RGS3: variants seen among roughly 807,000 people sequenced by gnomAD.
The protein encoded by RGS3 is regulator of G protein signaling 3, also known as regulator of G-protein signalling 3.
RGS3 carries 80 observed loss-of-function variants against 132.6 expected under a neutral mutation model. The ratio of observed to expected loss-of-function variants is 0.60; its 90% CI spans 0.50 to 0.73. The LOEUF (loss-of-function observed/expected upper bound fraction) is 0.73, where lower values mean the gene tolerates loss of function less well. Among genes scored for constraint, RGS3 ranks in the 30% least tolerant of loss-of-function variants. The pLI is 0.00. For synonymous variants in RGS3, 598 were observed against 620.6 expected (o/e 0.96, Z 0.54); for missense variants, 1,382 against 1,530.8 (o/e 0.90, Z 1.62).
At chr9:113,559,349 G>C (rs1356940285) in intron 19 of RGS3, among the ~76,000 whole-genome samples, 4 of 152,224 alleles carry the variant, frequency 2.6e-5, no homozygotes, top group Non-Finnish European at 5.9e-5. Flanking sequence ...GACAGTCATG[G>C]CTCCCAGCCA....
chr9:113,514,984 C>T (rs1240364369), intron 15 of RGS3, among the ~76,000 whole-genome samples: 1 of 152,118 alleles, frequency 6.6e-6, no homozygotes, highest in African/African-American at 2.4e-5. Context: ...CCAAAGCTCC[C>T]GCTCCCTGGC....
chr9:113,483,722 C>G (rs1010664285), intron 5 of RGS3, among the ~76,000 whole-genome samples: 6 of 152,194 alleles, frequency 3.9e-5, no homozygotes, highest in African/African-American at 1.4e-4. Context: ...TAGAACAGCC[C>G]TGGGTTGAGA....
chr9:113,561,418 G>A (rs1274754028), intron 19 of RGS3, among the ~76,000 whole-genome samples: 1 of 141,344 alleles, frequency 7.1e-6, no homozygotes. Flanking sequence ...CTCTCTCTCT[G>A]TCTCTCTCTT....
intron 14 of RGS3, 101 bp downstream of exon 12, chr9:113,508,681 A>G (rs1333321229): frequency 1.7e-6 from 2 of 1,204,040 alleles, no homozygotes; most frequent in South Asian, 1.2e-5. Flanking sequence ...AGGCCTTTCC[A>G]ATGGAGTCAG....
In RGS3 at chr9:113,536,665, G is replaced by A. The variant is rs1025967782; in HGVS notation, c.1915-131G>A. 5.7e-5 allele frequency: 85 copies of A among 1,499,520 alleles called. 1 individual carries two copies. Among genetic ancestry groups the A allele is most frequent in the East Asian group, 1.6e-4 (7 of 42,924 alleles). 92.9% of individuals were successfully genotyped at this position (1,499,520 alleles called of 1,614,324 possible). ...TCACTGGGGATTAGTGTGCATTTGC[G>A]GCTTTTGGCGGACACTCCCCTCCTG... On this transcript the variant is annotated intron_variant, in intron 18 of 24. Transcript: ENST00000350696.
chr9:113,527,652 C>A (rs1832273583), intron 17 of RGS3, among the ~76,000 whole-genome samples: 2 of 152,096 alleles, frequency 1.3e-5, no homozygotes, highest in African/African-American at 4.8e-5. Context: ...AGCCCTTGGC[C>A]CTAGGGATAG....
chr9:113,571,984 G>A (rs1425719643), intron 19 of RGS3, among the ~76,000 whole-genome samples: 2 of 152,166 alleles, frequency 1.3e-5, no homozygotes, highest in Admixed American at 6.5e-5. Flanking sequence ...GTCAGAAATT[G>A]AGGGGCAATA....
At chr9:113,549,157 G>A (rs1005741067) in intron 19 of RGS3, among the ~76,000 whole-genome samples, 1 of 152,206 alleles carries the variant, frequency 6.6e-6, no homozygotes, top group Non-Finnish European at 1.5e-5. Flanking sequence ...GCAGCCTCCT[G>A]CAGGTTTAGA....
intron 19 of RGS3, among the ~76,000 whole-genome samples, chr9:113,580,479 A>T (rs933473160): frequency 6.6e-6 from 1 of 152,242 alleles, no homozygotes; most frequent in Non-Finnish European, 1.5e-5. Flanking sequence ...TAGTCCTGTG[A>T]GTCCAGTATG....
At chr9:113,548,416 A>G (rs1372214148) in intron 19 of RGS3, among the ~76,000 whole-genome samples, 1 of 152,186 alleles carries the variant, frequency 6.6e-6, no homozygotes, top group Non-Finnish European at 1.5e-5. Context: ...AATTCCTGGC[A>G]TGTGCTTGTT....
In RGS3 at chr9:113,554,079, T is replaced by A. The variant is rs564207668; in HGVS notation, c.2037+17161T>A. Among the ~76,000 whole-genome samples the A allele has an allele frequency of 4.6e-5, 7 of 152,300 alleles. No homozygotes were observed. In the East Asian group the frequency reaches 9.7e-4, roughly 21 times the overall value. On this transcript the variant is annotated intron_variant, in intron 19 of 24. Transcript: ENST00000350696. ...TTTCCTTCTGTTTACACATGTCATC[T>A]CCCCAACACTATTGTTCTTATCCTA...
At chr9:113,545,383 T>C (rs1458893482) in intron 19 of RGS3, among the ~76,000 whole-genome samples, 1 of 152,194 alleles carries the variant, frequency 6.6e-6, no homozygotes, top group Non-Finnish European at 1.5e-5. Flanking sequence ...ATCTCAGCCC[T>C]GAATAAAGGG....
At chr9:113,492,988 C>T (rs1271061508) in intron 7 of RGS3, among the ~76,000 whole-genome samples, 1 of 152,198 alleles carries the variant, frequency 6.6e-6, no homozygotes, top group Non-Finnish European at 1.5e-5. Flanking sequence ...TGAGCTAATG[C>T]ATTGGCCTGG....
At position 113,565,384 on chromosome 9, in the gene RGS3, G is replaced by T; in HGVS notation, c.2038-18066G>T. On this transcript the variant is annotated intron_variant, in intron 19 of 24. Transcript: ENST00000350696. The surrounding 1 kb of genome is among the most constrained non-coding windows in gnomAD (Gnocchi z 5.7). Reference sequence around the variant, plus strand: ...GGGTGTGTGTTTGGGAAAGGCGCTGGAGGAGGAGGAAGAGGAGGAGGACAA... The same window carrying T: ...GGGTGTGTGTTTGGGAAAGGCGCTGTAGGAGGAGGAAGAGGAGGAGGACAA... 7.8e-7 allele frequency: 1 copy of T among 1,289,120 alleles called. No individual in the cohort carries two copies. Among genetic ancestry groups the T allele is most frequent in the Non-Finnish European group, 1.0e-6 (1 of 988,130 alleles). The allele number at this position is 1,289,120 out of a possible 1,614,324, so 79.9% of individuals were successfully genotyped here.
intron 10 of RGS3, chr9:113,501,457 T>A (rs1830887185): frequency 6.7e-7 from 1 of 1,495,286 alleles, no homozygotes; most frequent in African/African-American, 1.4e-5. Context: ...TTCCTGCCAT[T>A]CTTCTGTGGG....
At chr9:113,479,613 G>C (rs1830098750) in intron 4 of RGS3, 72 bp downstream of exon 2, 1 of 1,396,778 alleles carries the variant, frequency 7.2e-7, no homozygotes, top group African/African-American at 1.4e-5. Context: ...GGCTGGGGTT[G>C]GGGGATGGTG....
intron 17 of RGS3, among the ~76,000 whole-genome samples, chr9:113,524,359 C>T: frequency 6.6e-6 from 1 of 152,220 alleles, no homozygotes; most frequent in East Asian, 1.9e-4. Flanking sequence ...AGGACCCCAT[C>T]ACATTTGAGG....
At chr9:113,541,354 TG>T in intron 19 of RGS3, 1 of 1,613,796 alleles carries the variant, frequency 6.2e-7, no homozygotes, top group Non-Finnish European at 8.5e-7. Flanking sequence ...CAGCAGGAGA[TG>T]GGGCCGGTCA....
intron 19 of RGS3, among the ~76,000 whole-genome samples, chr9:113,569,109 G>A (rs555834822): frequency 5.3e-5 from 8 of 152,216 alleles, no homozygotes; most frequent in South Asian, 2.1e-4. Context: ...ACCTGGTACC[G>A]TGGCTCAGGC....
Sources: gnomAD v4.1 joint callset for allele counts (sites outside exome capture counted in the v4.1 genomes callset) on GRCh38, gnomAD v4.1.1 for gene constraint, Gnocchi (gnomAD v3.1) non-coding constraint, MANE v1.5 for transcripts, NCBI Gene and HGNC (gene_info 2026-07-23, HGNC 2026-07-21) for gene names.